The following PLEKHA4 variants were observed in gnomAD, a reference collection of about 807,000 sequenced individuals.
PLEKHA4 encodes the protein pleckstrin homology domain containing A4, also known as pleckstrin homology domain-containing family A member 4.
Under a neutral mutation model 94.7 loss-of-function variants are expected in PLEKHA4, and 73 were observed. That is an observed-to-expected ratio of 0.77 (90% confidence interval 0.64 to 0.94). PLEKHA4 has a LOEUF of 0.94. Among genes scored for constraint, PLEKHA4 ranks in the 40% least tolerant of loss-of-function variants. PLEKHA4 has a pLI of 0.00. For synonymous variants in PLEKHA4, 449 were observed against 437.1 expected, an observed-to-expected ratio of 1.03 and a Z score of -0.34; for missense variants, 1,049 against 1,054.1, an observed-to-expected ratio of 1.00 and a Z score of 0.07.
chr19:48,867,046 T>C lies in PLEKHA4; in HGVS notation c.84+491A>G, dbSNP rs1039894449. Among the ~76,000 whole-genome samples the C allele has an allele frequency of 1.3e-5, 2 of 152,114 alleles. No individual in the cohort carries two copies. Among genetic ancestry groups the C allele is most frequent in the African/African-American group, 4.8e-5 (2 of 41,408 alleles). ...GGCTCTGAACTTGAGAAACAATATGTGTGGAACGGCAGGAGGAAAAAGAAA... is the reference window on the plus strand; with the variant it reads ...GGCTCTGAACTTGAGAAACAATATGCGTGGAACGGCAGGAGGAAAAAGAAA... On this transcript the variant is annotated intron_variant, in intron 2 of 19. Coordinates refer to ENST00000263265, the MANE Select transcript of PLEKHA4 (RefSeq NM_020904.3). The surrounding 1 kb of genome is among the most constrained non-coding windows in gnomAD (Gnocchi z 4.7).
chr19:48,839,336 G>A (rs1232470745), intron 17 of PLEKHA4, 73 bp from the exon 18 acceptor site: 1 of 1,063,230 alleles, frequency 9.4e-7, no homozygotes, highest in Non-Finnish European at 1.4e-6. Flanking sequence ...TGAAGTGAAG[G>A]GGGCTCCAAA....
chr19:48,855,835 C>T (rs2036383732), intron 9 of PLEKHA4, among the ~76,000 whole-genome samples: 1 of 151,126 alleles, frequency 6.6e-6, no homozygotes, highest in African/African-American at 2.4e-5. Flanking sequence ...CAAAAAACAG[C>T]CTGGGTAACA....
At chr19:48,862,202 C>CTTT (rs1472532427) in intron 3 of PLEKHA4, among the ~76,000 whole-genome samples, 2 of 121,082 alleles carry the variant, frequency 1.7e-5, no homozygotes, top group Non-Finnish European at 1.7e-5. Context: ...TCTTTTCTCT[C>CTTT]TCTTTTTTTT....
Position 48,868,562 on chromosome 19 carries a change from T to C in PLEKHA4, c.-486A>G, listed in dbSNP as rs966813422. 1 of 152,640 alleles carries C rather than the reference T, an allele frequency of 6.6e-6. No homozygotes were observed. The highest frequency in any genetic ancestry group is 6.6e-5 in the Admixed American group (1 of 15,242). 9.5% of individuals were successfully genotyped at this position (152,640 alleles called of 1,614,324 possible). On this transcript the variant is annotated 5_prime_UTR_variant, in exon 1 of 20. Coordinates refer to ENST00000263265, the MANE Select transcript of PLEKHA4 (RefSeq NM_020904.3). Reference sequence around the variant, plus strand: ...CGTTTCCTCCCTTTTCTCTTTCCGATTTCCCTTCTCACTTTCTCCCTTCCT... The same window carrying C: ...CGTTTCCTCCCTTTTCTCTTTCCGACTTCCCTTCTCACTTTCTCCCTTCCT...
chr19:48,848,500 A>G (rs994700943), intron 13 of PLEKHA4, among the ~76,000 whole-genome samples: 11 of 145,390 alleles, frequency 7.6e-5, no homozygotes, highest in Non-Finnish European at 1.2e-4. Flanking sequence ...AAAAAAAAAA[A>G]ACTGTCTTTT....
In PLEKHA4 at chr19:48,858,742, GATC is replaced by G. The variant is rs2036520951; in HGVS notation, c.972+115_972+117del. 5 of 1,174,650 alleles carry G rather than the reference GATC, an allele frequency of 4.3e-6. No homozygotes were observed. The East Asian group carries it at 9.5e-5, about 22-fold the overall frequency. 72.8% of individuals were successfully genotyped at this position (1,174,650 alleles called of 1,614,324 possible). A position where few individuals can be genotyped will look rare whatever the true frequency, so the allele number is the denominator to read the frequency against. On this transcript the variant is annotated intron_variant, in intron 8 of 19. Coordinates refer to ENST00000263265, the MANE Select transcript of PLEKHA4 (RefSeq NM_020904.3). Reference sequence around the variant, plus strand: ...CTCTCTCTCACCTGAGCCCAGCTGAGATCATTATGGACTACAATACCCATGACA... The same window carrying G: ...CTCTCTCTCACCTGAGCCCAGCTGAGATTATGGACTACAATACCCATGACA...
At chr19:48,864,115 C>G (rs375045318) in intron 3 of PLEKHA4, among the ~76,000 whole-genome samples, 2 of 152,190 alleles carry the variant, frequency 1.3e-5, no homozygotes, top group South Asian at 2.1e-4. Flanking sequence ...CCTCACTTGA[C>G]ACCAAGGTTT....
chr19:48,844,960 G>C (rs572389791), intron 16 of PLEKHA4, among the ~76,000 whole-genome samples: 1 of 151,734 alleles, frequency 6.6e-6, no homozygotes, highest in Non-Finnish European at 1.5e-5. Flanking sequence ...GATTACAGGC[G>C]CCCACCACCA....
chr19:48,860,539 G>A, intron 5 of PLEKHA4, 80 bp from the exon 6 acceptor site: 1 of 1,087,582 alleles, frequency 9.2e-7, no homozygotes, highest in South Asian at 1.3e-5. Flanking sequence ...ACTCATTCCA[G>A]TAAACCCAGT....
intron 12 of PLEKHA4, 96 bp from the exon 13 acceptor site, chr19:48,852,422 G>C: frequency 1.0e-6 from 1 of 965,182 alleles, no homozygotes; most frequent in Non-Finnish European, 1.6e-6. Context: ...AGATAAGGGA[G>C]TTTGGTCCCT....
In PLEKHA4 at chr19:48,858,969, C is replaced by T. The variant is rs1405844450; in HGVS notation, c.863G>A (p.Arg288His). ...AGTAGGGGGTCGGGAGAGGGTCTGG[C>T]GTTGGGGGCCCCAATCCAGAGGAGG... Reference protein sequence around the residue: ...VRPPLDWGPQRQTLSRPPTPR... With the variant: ...VRPPLDWGPQHQTLSRPPTPR... Residue 288 changes from arginine to histidine, a missense_variant, in exon 8 of 20, where the codon CGC becomes CAC. Transcript: ENST00000263265. The T allele has an allele frequency of 8.8e-6, 14 of 1,585,232 alleles. No homozygotes were observed. Among genetic ancestry groups the T allele is most frequent in the East Asian group, 2.3e-5 (1 of 43,734 alleles).
chr19:48,841,221 C>G lies in PLEKHA4; in HGVS notation c.1833G>C (p.Pro611=). Residue 611 remains proline, a synonymous_variant, in exon 17 of 20, where the codon CCG becomes CCC. Coordinates refer to ENST00000263265, the MANE Select transcript of PLEKHA4 (RefSeq NM_020904.3). ...NQECGRPFPR[P]TSPRLLTLGR... ...CCAGGGTGAGAAGCCGGGGGGAGGTCGGGCGAGGGAAGGGCCGTCCACATT... is the reference window on the plus strand; with the variant it reads ...CCAGGGTGAGAAGCCGGGGGGAGGTGGGGCGAGGGAAGGGCCGTCCACATT... 1 of 1,613,222 alleles carries G rather than the reference C, an allele frequency of 6.2e-7. No homozygotes were observed. Among genetic ancestry groups the G allele is most frequent in the African/African-American group, 1.3e-5 (1 of 75,014 alleles).
At chr19:48,848,495 A>AC (rs2036057012) in intron 13 of PLEKHA4, among the ~76,000 whole-genome samples, 1 of 146,108 alleles carries the variant, frequency 6.8e-6, no homozygotes, top group Admixed American at 6.9e-5. Flanking sequence ...CAAAAAAAAA[A>AC]AAAAAACTGT....
Position 48,859,654 on chromosome 19 carries a change from C to T in PLEKHA4, c.507G>A (p.Gln169=). 3 of 1,612,324 alleles carry T rather than the reference C, an allele frequency of 1.9e-6. No homozygotes were observed. Among genetic ancestry groups the T allele is most frequent in the Non-Finnish European group, 2.5e-6 (3 of 1,179,932 alleles). ...CGGGGCCGCCGGGGCCCTCCCCGGGCTGGGGTCGTGCAGGTGACCTGGGTT... is the reference window on the plus strand; with the variant it reads ...CGGGGCCGCCGGGGCCCTCCCCGGGTTGGGGTCGTGCAGGTGACCTGGGTT... ...YGQPRSPARP[Q]PGEGPGGPGG... The change falls in exon 7 of 20, where the codon CAG becomes CAA. Residue 169 remains glutamine, a synonymous_variant. Transcript: ENST00000263265.
intron 8 of PLEKHA4, among the ~76,000 whole-genome samples, chr19:48,857,787 C>A (rs1346783932): frequency 6.6e-6 from 1 of 151,136 alleles, no homozygotes; most frequent in Non-Finnish European, 1.5e-5. Flanking sequence ...CGGAAGGCCG[C>A]AGGGTCCTCT....
rs1165495630 is a variant in PLEKHA4 at position 48,867,205 on chromosome 19, T to C, written c.84+332A>G. Among the ~76,000 whole-genome samples the C allele has an allele frequency of 2.6e-5, 4 of 151,892 alleles. No homozygotes were observed. Among genetic ancestry groups the C allele is most frequent in the Admixed American group, 1.3e-4 (2 of 15,222 alleles). ...AGTGGGTAGATTGGATGGCGAGAGA[T>C]AGGACAGCAAGTTCTGGCACTAATC... On this transcript the variant is annotated intron_variant, in intron 2 of 19. Coordinates refer to ENST00000263265, the MANE Select transcript of PLEKHA4 (RefSeq NM_020904.3). This position sits in a 1 kb window ranked among gnomAD's most constrained non-coding sequence, Gnocchi z 4.7.
In PLEKHA4 at chr19:48,837,130, G is replaced by GTT. The variant is rs2035554816; in HGVS notation, c.*158_*159insAA. On this transcript the variant is annotated 3_prime_UTR_variant, in exon 20 of 20. Coordinates refer to ENST00000263265, the MANE Select transcript of PLEKHA4 (RefSeq NM_020904.3). This position sits in a 1 kb window ranked among gnomAD's most constrained non-coding sequence, Gnocchi z 4.3. Reference sequence around the variant, plus strand: ...CAAAGTTTTAATCCAAATTTAGACAGTGTTGAGAAAACCAAACTTTGGCCA... The same window carrying GTT: ...CAAAGTTTTAATCCAAATTTAGACAGTTTGTTGAGAAAACCAAACTTTGGCCA... 1.1e-6 allele frequency: 1 copy of GTT among 925,036 alleles called. No homozygotes were observed. The allele number at this position is 925,036 out of a possible 1,614,324, so 57.3% of individuals were successfully genotyped here.
intron 17 of PLEKHA4, 71 bp from the exon 18 acceptor site, chr19:48,839,334 A>G: frequency 9.4e-7 from 1 of 1,065,044 alleles, no homozygotes; most frequent in South Asian, 1.7e-5. Flanking sequence ...GGTGAAGTGA[A>G]GGGGGCTCCA....
chr19:48,852,283 T>G lies in PLEKHA4; in HGVS notation c.1370A>C (p.Glu457Ala). 4 of 1,614,094 alleles carry G rather than the reference T, an allele frequency of 2.5e-6. No homozygotes were observed. Among genetic ancestry groups the G allele is most frequent in the Non-Finnish European group, 3.4e-6 (4 of 1,180,034 alleles). ...CAGCGTCTCTCTTAAGGTGCCCAGCTCCTGCTCCAGGCCACTGTACGTGTC... is the reference window on the plus strand; with the variant it reads ...CAGCGTCTCTCTTAAGGTGCCCAGCGCCTGCTCCAGGCCACTGTACGTGTC... ...VWDTYSGLEQ[E>A]LGTLRETLEY... Residue 457 changes from glutamate to alanine, a missense_variant, in exon 13 of 20, where the codon GAG becomes GCG. Coordinates refer to ENST00000263265, the MANE Select transcript of PLEKHA4 (RefSeq NM_020904.3).
Sources: gnomAD v4.1 joint callset for allele counts (sites outside exome capture counted in the v4.1 genomes callset) on GRCh38, gnomAD v4.1.1 for gene constraint, Gnocchi (gnomAD v3.1) non-coding constraint, MANE v1.5 for transcripts, NCBI Gene and HGNC (gene_info 2026-07-23, HGNC 2026-07-21) for gene names.